Variants in NDUFA10 observed in about 807,000 individuals in gnomAD.
NDUFA10 encodes NADH:ubiquinone oxidoreductase subunit A10, also known as NADH dehydrogenase [ubiquinone] 1 alpha subcomplex subunit 10, mitochondrial.
Under a neutral mutation model 47.8 loss-of-function variants are expected in NDUFA10, and 40 were observed. The observed-to-expected ratio is 0.84, with a 90% CI of 0.65 to 1.09. The LOEUF is 1.09. Among genes scored for constraint, NDUFA10 ranks in the 50% least tolerant of loss-of-function variants. The pLI is 0.00. For missense variants in NDUFA10, 413 were observed against 451.1 expected, an observed-to-expected ratio of 0.92 and a Z score of 0.76; for synonymous variants, 183 against 172.2, an observed-to-expected ratio of 1.06 and a Z score of -0.49.
chr2:239,979,512 T>G (rs1160390885), intron 9 of NDUFA10, among the ~76,000 whole-genome samples: 1 of 152,122 alleles, frequency 6.6e-6, no homozygotes, highest in Non-Finnish European at 1.5e-5. Context: ...GTCTGCTTAA[T>G]TTTGAAAACC....
chr2:239,994,842 A>T (rs1214124223), intron 8 of NDUFA10, among the ~76,000 whole-genome samples: 1 of 152,242 alleles, frequency 6.6e-6, no homozygotes. Flanking sequence ...TAAAAAACAA[A>T]GAGGGAACTT....
At chr2:239,972,209 T>C (rs1300427795) in intron 9 of NDUFA10, among the ~76,000 whole-genome samples, 1 of 152,002 alleles carries the variant, frequency 6.6e-6, no homozygotes, top group Non-Finnish European at 1.5e-5. Context: ...TGATAAATAT[T>C]ATACATATAA....
At chr2:240,009,042 A>C (rs1697046298) in intron 6 of NDUFA10, among the ~76,000 whole-genome samples, 1 of 152,180 alleles carries the variant, frequency 6.6e-6, no homozygotes, top group Non-Finnish European at 1.5e-5. Flanking sequence ...TTCACGTGCA[A>C]CCTCAATGGT....
rs1420939788 is a variant in NDUFA10 at position 239,993,238 on chromosome 2, CTG to C, written c.891-3058_891-3057del. Among the ~76,000 whole-genome samples the C allele has an allele frequency of 3.9e-5, 6 of 152,332 alleles. No individual in the cohort carries two copies. In the South Asian group the frequency reaches 6.2e-4, roughly 16 times the overall value. On this transcript the variant is annotated intron_variant, in intron 8 of 9. Transcript: ENST00000252711. The stretch of plus-strand genomic sequence containing the variant: ...TTCACACTGTGTTTAGAAAATGACA[CTG>C]TTACCACAGGGAGGTCAAGTCAGAC...
At chr2:239,970,646 C>G (rs1178275221) in intron 9 of NDUFA10, among the ~76,000 whole-genome samples, 1 of 152,336 alleles carries the variant, frequency 6.6e-6, no homozygotes, top group East Asian at 1.9e-4. Flanking sequence ...GCTGTGGCCT[C>G]GGGCCAGATA....
intron 8 of NDUFA10, among the ~76,000 whole-genome samples, chr2:239,996,712 G>A (rs1305804154): frequency 1.3e-5 from 2 of 152,068 alleles, no homozygotes; most frequent in Non-Finnish European, 2.9e-5. Flanking sequence ...TTTAAATGAA[G>A]CTTGTCCAAC....
chr2:240,014,198 C>G (rs977102202), intron 5 of NDUFA10: 2 of 168,974 alleles, frequency 1.2e-5, no homozygotes, highest in African/African-American at 4.8e-5. Flanking sequence ...CTTCAAAAGG[C>G]GTTGCTTCGA....
At chr2:239,988,017 A>G (rs1401833487) in intron 9 of NDUFA10, among the ~76,000 whole-genome samples, 1 of 152,254 alleles carries the variant, frequency 6.6e-6, no homozygotes, top group Non-Finnish European at 1.5e-5. Flanking sequence ...AAATACATAG[A>G]ACAGGTAGAA....
chr2:240,019,319 A>G (rs1194084386), intron 3 of NDUFA10, among the ~76,000 whole-genome samples: 2 of 152,208 alleles, frequency 1.3e-5, no homozygotes, highest in Non-Finnish European at 2.9e-5. Flanking sequence ...CACAGCAGAC[A>G]TGCACTAAAT....
intron 1 of NDUFA10, 63 bp downstream of exon 1, chr2:240,025,164 T>TACCCCCC: frequency 1.7e-6 from 1 of 594,916 alleles, no homozygotes. Flanking sequence ...GTGGAACTGC[T>TACCCCCC]CCCCACCCCG....
chr2:239,898,164 G>A (rs1693434471), intron 4 of NDUFA10, among the ~76,000 whole-genome samples: 1 of 152,164 alleles, frequency 6.6e-6, no homozygotes, highest in Admixed American at 6.5e-5. Context: ...ACTGTTCAGG[G>A]TTACGCAGTC....
chr2:240,004,652 A>ATTCCGC (rs1696875474), intron 8 of NDUFA10, among the ~76,000 whole-genome samples: 12 of 146,566 alleles, frequency 8.2e-5, no homozygotes, highest in African/African-American at 3.2e-4. Context: ...TCCCCTCCCC[A>ATTCCGC]CACTTTTTCT....
intron 1 of NDUFA10, among the ~76,000 whole-genome samples, chr2:240,024,486 G>C (rs189022699): frequency 1.2e-3 from 181 of 152,322 alleles, no homozygotes; most frequent in African/African-American, 4.1e-3. Context: ...GTAAAGCAGA[G>C]GGGAATTTTT....
intron 4 of NDUFA10, among the ~76,000 whole-genome samples, chr2:239,942,086 G>C (rs1694369052): frequency 6.6e-6 from 1 of 152,176 alleles, no homozygotes; most frequent in African/African-American, 2.4e-5. Context: ...AATCACTTTG[G>C]TCTGAACACC....
chr2:240,011,817 C>T (rs1319245658), intron 5 of NDUFA10, 121 bp from the exon 6 acceptor site: 2 of 839,092 alleles, frequency 2.4e-6, no homozygotes, highest in African/African-American at 3.4e-5. Flanking sequence ...ACACCGGGCA[C>T]TGTGGGGACT....
At position 239,959,077 on chromosome 2, in the gene NDUFA10, T is replaced by A. The variant is rs1574808970; in HGVS notation, c.*2041A>T. 1 of 985,482 alleles carries A rather than the reference T, an allele frequency of 1.0e-6. No individual in the cohort carries two copies. Among genetic ancestry groups the A allele is most frequent in the Non-Finnish European group, 1.2e-6 (1 of 829,950 alleles). 61.0% of individuals were successfully genotyped at this position (985,482 alleles called of 1,614,324 possible). A position where few individuals can be genotyped will look rare whatever the true frequency, so the allele number is the denominator to read the frequency against. On this transcript the variant is annotated 3_prime_UTR_variant, in exon 10 of 10. Transcript: ENST00000252711. ...GAATTGGACAGTGTTTATTCATCTT[T>A]CTCTGCTGAACATGCATGTCATTGA...
intron 2 of NDUFA10, 80 bp from the exon 3 acceptor site, chr2:240,021,492 C>A: frequency 7.8e-7 from 1 of 1,276,246 alleles, no homozygotes; most frequent in South Asian, 1.2e-5. Flanking sequence ...AGCCAAAACA[C>A]ACAGCCCGCC....
chr2:239,955,706 G>C (rs1244542353), downstream of NDUFA10, among the ~76,000 whole-genome samples: 1 of 152,184 alleles, frequency 6.6e-6, no homozygotes, highest in East Asian at 1.9e-4. Context: ...GGGCAGGAAG[G>C]AAAGATAGGG....
At chr2:240,011,519 G>T (rs1697142630) in intron 6 of NDUFA10, 98 bp downstream of exon 6, 1 of 856,544 alleles carries the variant, frequency 1.2e-6, no homozygotes. Flanking sequence ...AATATCCACT[G>T]CAGTAAATAA....
Sources: gnomAD v4.1 joint callset for allele counts (sites outside exome capture counted in the v4.1 genomes callset) on GRCh38, gnomAD v4.1.1 for gene constraint, MANE v1.5 for transcripts, NCBI Gene and HGNC (gene_info 2026-07-23, HGNC 2026-07-21) for gene names.